Variants in GSN observed in about 807,000 individuals in gnomAD.
The protein encoded by GSN is actin-depolymerizing factor.
A neutral mutation model predicts 85.7 loss-of-function variants in GSN; 56 were observed. The ratio of observed to expected loss-of-function variants is 0.65; its 90% CI spans 0.53 to 0.82. The LOEUF is 0.82. Ranked by LOEUF, GSN falls within the 40% of genes least tolerant of loss-of-function variation. GSN has a pLI of 0.00. For synonymous variants in GSN, 373 were observed against 399.1 expected, an observed-to-expected ratio of 0.93 and a Z score of 0.78; for missense variants, 857 against 979.8, an observed-to-expected ratio of 0.87 and a Z score of 1.67.
At chr9:121,294,360 C>T (rs949217322) in intron 2 of GSN, among the ~76,000 whole-genome samples, 1 of 152,180 alleles carries the variant, frequency 6.6e-6, no homozygotes, top group African/African-American at 2.4e-5. Context: ...CACCACACCT[C>T]TCAGGGCCAT....
rs1295134372 is a variant in GSN at position 121,331,594 on chromosome 9, G to A, written c.2026+146G>A. 9 of 629,556 alleles carry A rather than the reference G, an allele frequency of 1.4e-5. No individual in the cohort carries two copies. The East Asian group carries it at 2.2e-4, about 15-fold the overall frequency. 39.0% of individuals were successfully genotyped at this position (629,556 alleles called of 1,614,324 possible). A position where few individuals can be genotyped will look rare whatever the true frequency, so the allele number is the denominator to read the frequency against. ...TGGGGACTTCCTCCTCTGTGGGCCAGCCCCTCATAAATCCTGCCTGGGATA... is the reference window on the plus strand; with the variant it reads ...TGGGGACTTCCTCCTCTGTGGGCCAACCCCTCATAAATCCTGCCTGGGATA... On this transcript the variant is annotated intron_variant, in intron 17 of 17. Transcript: ENST00000432226.
chr9:121,320,806 T>C (rs1392482055), intron 10 of GSN, among the ~76,000 whole-genome samples: 3 of 152,208 alleles, frequency 2.0e-5, no homozygotes, highest in East Asian at 1.9e-4. Context: ...TGCTAGACTT[T>C]CACGAGTAAT....
chr9:121,210,127 T>A (rs1002919457), intron 2 of GSN: 1 of 152,202 alleles, frequency 6.6e-6, no homozygotes, highest in Non-Finnish European at 1.5e-5. Flanking sequence ...AAGAAATGAC[T>A]CCAAAATCTC....
chr9:121,332,321 A>C lies in GSN; in HGVS notation c.2027-113A>C. The C allele has an allele frequency of 2.0e-6, 2 of 977,300 alleles. No individual in the cohort carries two copies. Among genetic ancestry groups the C allele is most frequent in the Non-Finnish European group, 3.3e-6 (2 of 601,658 alleles). 60.5% of individuals were successfully genotyped at this position (977,300 alleles called of 1,614,324 possible). On this transcript the variant is annotated intron_variant, in intron 17 of 17. Coordinates refer to ENST00000432226, the MANE Select transcript of GSN (RefSeq NM_198252.3). This position sits in a 1 kb window ranked among gnomAD's most constrained non-coding sequence, Gnocchi z 4.8. ...AGGGCAGGGGGTGGGCAGTAGGGAC[A>C]GTAGGACCATAGACCCTCTTCTTTG...
At chr9:121,287,439 C>T (rs75693550) in intron 2 of GSN, among the ~76,000 whole-genome samples, 5,501 of 152,124 alleles carry the variant, frequency 0.036, 296 homozygotes, top group Admixed American at 0.14. Context: ...GTTCCCGGGC[C>T]CCACCCTAGA....
intron 2 of GSN, chr9:121,282,879 A>G (rs2057565837): frequency 4.2e-6 from 1 of 236,362 alleles, no homozygotes. Flanking sequence ...CTGCAGGGCC[A>G]GGCTGGCATA....
chr9:121,202,777 A>G, the GSN span, among the ~76,000 whole-genome samples: 7 of 152,348 alleles, frequency 4.6e-5, no homozygotes, highest in South Asian at 2.1e-4. Context: ...TATCAATATT[A>G]TATAACAAAA....
Position 121,317,159 on chromosome 9 carries a change from A to C in GSN, c.827A>C (p.Lys276Thr). The change falls in exon 8 of 18, where the codon AAG becomes ACG. Residue 276 changes from lysine to threonine, a missense_variant. Physicochemically the swap from Lys to Thr is moderately conservative, Grantham distance 78. Coordinates refer to ENST00000432226, the MANE Select transcript of GSN (RefSeq NM_198252.3). Reference protein sequence around the residue: ...DENPFAQGALKSEDCFILDHG... With the variant: ...DENPFAQGALTSEDCFILDHG... ...AACCCCTTCGCCCAGGGGGCCCTGAAGTCAGAGGACTGCTTCATCCTGGAC... is the reference window on the plus strand; with the variant it reads ...AACCCCTTCGCCCAGGGGGCCCTGACGTCAGAGGACTGCTTCATCCTGGAC... The C allele has an allele frequency of 6.2e-7, 1 of 1,614,182 alleles. No homozygotes were observed. Among genetic ancestry groups the C allele is most frequent in the Non-Finnish European group, 8.5e-7 (1 of 1,180,008 alleles).
At position 121,299,032 on chromosome 9, in the gene GSN, C is replaced by G. The variant is rs557090631; in HGVS notation, c.-9-2931C>G. ...AACAAGGGCTTGCTTAGAGACATGACGGTAAACCCTGAACCATCAGCTAAA... is the reference window on the plus strand; with the variant it reads ...AACAAGGGCTTGCTTAGAGACATGAGGGTAAACCCTGAACCATCAGCTAAA... On this transcript the variant is annotated intron_variant, in intron 2 of 17. Coordinates refer to ENST00000432226, the MANE Select transcript of GSN (RefSeq NM_198252.3). The surrounding 1 kb of genome is among the most constrained non-coding windows in gnomAD (Gnocchi z 4.2). Among the ~76,000 whole-genome samples, 1 of 152,188 alleles carries G rather than the reference C, an allele frequency of 6.6e-6. No homozygotes were observed. Among genetic ancestry groups the G allele is most frequent in the Non-Finnish European group, 1.5e-5 (1 of 68,034 alleles).
At chr9:121,288,243 C>T (rs763544920) in intron 2 of GSN, among the ~76,000 whole-genome samples, 23 of 152,238 alleles carry the variant, frequency 1.5e-4, no homozygotes, top group Non-Finnish European at 2.6e-4. Flanking sequence ...TCTGTCTCTC[C>T]GAAGATCCAG....
At chr9:121,330,012 T>A (rs1327674831) in intron 16 of GSN, among the ~76,000 whole-genome samples, 1 of 152,158 alleles carries the variant, frequency 6.6e-6, no homozygotes, top group Non-Finnish European at 1.5e-5. Context: ...GGCATAAGAC[T>A]CTACACTACC....
intron 4 of GSN, among the ~76,000 whole-genome samples, chr9:121,219,222 C>T (rs1421709256): frequency 6.6e-6 from 1 of 151,968 alleles, no homozygotes; most frequent in Non-Finnish European, 1.5e-5. Flanking sequence ...CTCAGTTCCC[C>T]AAAACACACC....
intron 1 of GSN, among the ~76,000 whole-genome samples, chr9:121,278,585 GA>G (rs2056949664): frequency 6.6e-6 from 1 of 152,200 alleles, no homozygotes; most frequent in Admixed American, 6.5e-5. Flanking sequence ...GAGACTATTA[GA>G]AGGCGTCTTC....
chr9:121,314,562 A>G (rs2061511430), intron 7 of GSN, among the ~76,000 whole-genome samples: 2 of 152,248 alleles, frequency 1.3e-5, no homozygotes. Context: ...TATTTTCAGT[A>G]AAACAACAAA....
At chr9:121,240,836 C>T (rs1438234058) in intron 5 of GSN, among the ~76,000 whole-genome samples, 1 of 152,138 alleles carries the variant, frequency 6.6e-6, no homozygotes, top group Admixed American at 6.5e-5. Context: ...AGCTGTGTTT[C>T]TAAATGTTAT....
rs550169836 is a variant in GSN, at chr9:121,216,502, T to G, written c.-528+5635T>G. On this transcript the variant is annotated intron_variant, in intron 4 of 24. Transcript: ENST00000373823. ...CTGGCCAAGACTTTGCTTGCTATAT[T>G]TCCCCCAGAAACAGTCCCTAACTCT... Among the ~76,000 whole-genome samples the G allele has an allele frequency of 8.0e-4, 122 of 152,326 alleles. 1 individual carries two copies. The highest frequency in any genetic ancestry group is 2.7e-3 in the African/African-American group (112 of 41,576).
chr9:121,307,014 C>G (rs2133334235), intron 4 of GSN, among the ~76,000 whole-genome samples: 1 of 152,216 alleles, frequency 6.6e-6, no homozygotes, highest in African/African-American at 2.4e-5. Context: ...AACCCTGTCT[C>G]TACTAAAAAT....
intron 1 of GSN, among the ~76,000 whole-genome samples, chr9:121,274,528 C>A (rs1407689519): frequency 6.6e-6 from 1 of 151,990 alleles, no homozygotes; most frequent in Non-Finnish European, 1.5e-5. Context: ...AATTCAGTGA[C>A]ACTTGTGAAA....
chr9:121,300,239 C>G, intron 2 of GSN: 1 of 740,952 alleles, frequency 1.3e-6, no homozygotes, highest in Non-Finnish European at 2.5e-6. Context: ...GATTTCTTTT[C>G]CCCTGTCCTC....
Sources: gnomAD v4.1 joint callset for allele counts (sites outside exome capture counted in the v4.1 genomes callset) on GRCh38, gnomAD v4.1.1 for gene constraint, Gnocchi (gnomAD v3.1) non-coding constraint, MANE v1.5 for transcripts, NCBI Gene and HGNC (gene_info 2026-07-23, HGNC 2026-07-21) for gene names.